The following EBF1 variants were observed in gnomAD, a reference collection of about 807,000 sequenced individuals.
EBF1 encodes EBF transcription factor 1, also known as transcription factor COE1.
A neutral mutation model predicts 68.4 loss-of-function variants in EBF1; 10 were observed. The ratio of observed to expected loss-of-function variants is 0.15; its 90% CI spans 0.09 to 0.25. The LOEUF is 0.25. EBF1 is among the 10% of genes least tolerant of loss of function. EBF1 has a pLI of 1.00. For missense variants in EBF1, 509 were observed against 794.4 expected (o/e 0.64, Z 4.32); for synonymous variants, 298 against 299.8 (o/e 0.99, Z 0.06).
chr5:158,722,461 T>C (rs1762122084), intron 11 of EBF1, among the ~76,000 whole-genome samples: 1 of 152,184 alleles, frequency 6.6e-6, no homozygotes, highest in Non-Finnish European at 1.5e-5. Flanking sequence ...GATGTATTTG[T>C]CATGTACACA....
intron 9 of EBF1, among the ~76,000 whole-genome samples, chr5:158,779,875 T>C (rs1776073940): frequency 6.6e-6 from 1 of 152,186 alleles, no homozygotes; most frequent in East Asian, 1.9e-4. Flanking sequence ...GCTCAGGAAA[T>C]GCAAACAAAT....
chr5:158,912,670 A>G (rs191627108), intron 6 of EBF1, among the ~76,000 whole-genome samples: 10 of 152,304 alleles, frequency 6.6e-5, no homozygotes, highest in African/African-American at 1.9e-4. Context: ...AACTCCATGA[A>G]GAAGATAGGG....
Position 158,835,166 on chromosome 5 carries a change from AG to A in EBF1, c.636+4862del, listed in dbSNP as rs1203529778. Among the ~76,000 whole-genome samples the A allele has an allele frequency of 2.0e-5, 3 of 152,358 alleles. No homozygotes were observed. In the South Asian group the frequency reaches 6.2e-4, roughly 32 times the overall value. On this transcript the variant is annotated intron_variant, in intron 7 of 15. Transcript: ENST00000313708. ...CATTATGACACACACCTCTGTAGCC[AG>A]GACAGCTACAGCAAAGACTAATCCT... is the stretch of plus-strand genomic sequence containing the variant.
intron 6 of EBF1, among the ~76,000 whole-genome samples, chr5:158,909,419 G>C (rs1054201666): frequency 6.6e-6 from 1 of 152,142 alleles, no homozygotes; most frequent in South Asian, 2.1e-4. Context: ...ATGTTAACTA[G>C]AGGACCAAGA....
At chr5:158,931,762 T>G (rs909709758) in intron 6 of EBF1, among the ~76,000 whole-genome samples, 7 of 152,068 alleles carry the variant, frequency 4.6e-5, no homozygotes, top group African/African-American at 7.2e-5. Context: ...TGAGAATATA[T>G]AGAGAGAGGC....
intron 7 of EBF1, among the ~76,000 whole-genome samples, chr5:158,823,914 A>G (rs1197781523): frequency 6.8e-6 from 1 of 146,326 alleles, no homozygotes; most frequent in African/African-American, 2.5e-5. Context: ...CTGCTAATTA[A>G]GGGTCTTAGA....
chr5:158,869,332 G>A (rs984021442), intron 6 of EBF1, among the ~76,000 whole-genome samples: 4 of 152,056 alleles, frequency 2.6e-5, no homozygotes, highest in East Asian at 3.9e-4. Flanking sequence ...TTGCTTATCC[G>A]GGAGGACCCA....
chr5:159,099,100 C>T (rs1435505415), intron 1 of EBF1, among the ~76,000 whole-genome samples: 1 of 152,154 alleles, frequency 6.6e-6, no homozygotes, highest in Non-Finnish European at 1.5e-5. Context: ...CAGTCACAGA[C>T]GAGGCAGGGG....
At chr5:158,713,381 AG>A (rs1759896357) in intron 12 of EBF1, among the ~76,000 whole-genome samples, 1 of 152,236 alleles carries the variant, frequency 6.6e-6, no homozygotes, top group African/African-American at 2.4e-5. Context: ...CACCTATTTA[AG>A]AACAGAGCTG....
intron 10 of EBF1, among the ~76,000 whole-genome samples, chr5:158,755,946 A>G (rs936406645): frequency 2.0e-5 from 3 of 152,200 alleles, no homozygotes; most frequent in Non-Finnish European, 2.9e-5. Flanking sequence ...TGAAAAAAAG[A>G]AAGTGTGAAA....
chr5:159,019,662 G>A (rs1766286881), intron 6 of EBF1, among the ~76,000 whole-genome samples: 4 of 152,168 alleles, frequency 2.6e-5, no homozygotes, highest in East Asian at 1.9e-4. Context: ...AAGATTCTCT[G>A]CTTTATCGCA....
At chr5:158,978,709 A>T (rs1368684040) in intron 6 of EBF1, among the ~76,000 whole-genome samples, 1 of 151,894 alleles carries the variant, frequency 6.6e-6, no homozygotes, top group Non-Finnish European at 1.5e-5. Flanking sequence ...GCTGCTTAAT[A>T]GGCTTGATTA....
In EBF1 at chr5:158,879,168, G is replaced by A. The variant is rs145998968; in HGVS notation, c.555-39058C>T. Among the ~76,000 whole-genome samples the A allele has an allele frequency of 1.1e-4, 16 of 152,176 alleles. No homozygotes were observed. In the South Asian group the frequency reaches 1.9e-3, roughly 18 times the overall value. On this transcript the variant is annotated intron_variant, in intron 6 of 15. Coordinates refer to ENST00000313708, the MANE Select transcript of EBF1 (RefSeq NM_024007.5). ...TTTTCTGAATGTTTTGTTTGTAAACGTCTGGCATAGGATGGTTGGTTCAGT... is the reference window on the plus strand; with the variant it reads ...TTTTCTGAATGTTTTGTTTGTAAACATCTGGCATAGGATGGTTGGTTCAGT...
At chr5:158,994,029 G>T (rs1265700481) in intron 6 of EBF1, among the ~76,000 whole-genome samples, 1 of 152,200 alleles carries the variant, frequency 6.6e-6, no homozygotes, top group Non-Finnish European at 1.5e-5. Flanking sequence ...CAGGTGGGAA[G>T]ATGGGTGAGT....
At chr5:158,981,413 C>T (rs889824539) in intron 6 of EBF1, among the ~76,000 whole-genome samples, 3 of 152,100 alleles carry the variant, frequency 2.0e-5, no homozygotes, top group African/African-American at 7.2e-5. Context: ...TTTACCTATT[C>T]TAATTTAACT....
At chr5:159,053,683 C>G (rs1774240561) in intron 6 of EBF1, among the ~76,000 whole-genome samples, 1 of 151,948 alleles carries the variant, frequency 6.6e-6, no homozygotes, top group South Asian at 2.1e-4. Flanking sequence ...TAGATGCACA[C>G]TACACCAATA....
chr5:158,811,741 A>G (rs940587022), intron 8 of EBF1, among the ~76,000 whole-genome samples: 1 of 152,206 alleles, frequency 6.6e-6, no homozygotes, highest in Non-Finnish European at 1.5e-5. Context: ...AGAAACTGCA[A>G]TGGAACCACA....
chr5:158,962,126 C>T lies in EBF1; in HGVS notation c.554+111270G>A, dbSNP rs541753354. Among the ~76,000 whole-genome samples the T allele has an allele frequency of 4.6e-5, 7 of 152,240 alleles. No homozygotes were observed. The East Asian group carries it at 1.2e-3, about 25-fold the overall frequency. The stretch of plus-strand genomic sequence containing the variant: ...CTGTGTTTAAGTGATCTGATAAAGC[C>T]GGTGGCAGCTTGAGGGGCGGTATGC... On this transcript the variant is annotated intron_variant, in intron 6 of 15. Transcript: ENST00000313708.
intron 7 of EBF1, among the ~76,000 whole-genome samples, chr5:158,835,867 CATG>C (rs1788664115): frequency 1.3e-5 from 2 of 152,276 alleles, no homozygotes; most frequent in South Asian, 2.1e-4. Context: ...TGAAGATAAA[CATG>C]ATAACTCATG....
Sources: gnomAD v4.1 joint callset for allele counts (sites outside exome capture counted in the v4.1 genomes callset) on GRCh38, gnomAD v4.1.1 for gene constraint, MANE v1.5 for transcripts, NCBI Gene and HGNC (gene_info 2026-07-23, HGNC 2026-07-21) for gene names.